Variants in MYO5A observed in about 807,000 individuals in gnomAD.
MYO5A encodes unconventional myosin-Va.
MYO5A carries 98 observed loss-of-function variants against 249.7 expected under a neutral mutation model. The observed-to-expected ratio is 0.39, with a 90% confidence interval of 0.33 to 0.46. The LOEUF is 0.46. Among genes scored for constraint, MYO5A ranks in the 20% least tolerant of loss-of-function variants. The pLI is 0.98. For missense variants in MYO5A, 1,696 were observed against 2,308.8 expected (o/e 0.73, Z 5.44); for synonymous variants, 778 against 810.6 (o/e 0.96, Z 0.68).
At chr15:52,329,109 T>C (rs1466705637) in intron 35 of MYO5A, 1 of 152,216 alleles carries the variant, frequency 6.6e-6, no homozygotes, top group Non-Finnish European at 1.5e-5. Flanking sequence ...ACTTTGCTCA[T>C]TACCTAGAAA....
rs752190723 is a variant in MYO5A, at chr15:52,319,369, G to A, written c.4952-27C>T. On this transcript the variant is annotated intron_variant, in intron 38 of 41. Transcript: ENST00000399233. ...TGCAGGAGTATTTCAATTGTTAGAGGAGATGATGTGGAAGGGAACCTTTCA... is the reference window on the plus strand; with the variant it reads ...TGCAGGAGTATTTCAATTGTTAGAGAAGATGATGTGGAAGGGAACCTTTCA... The A allele has an allele frequency of 5.0e-6, 8 of 1,609,934 alleles. No individual in the cohort carries two copies. In the Admixed American group the frequency reaches 1.0e-4, roughly 20 times the overall value.
chr15:52,501,882 C>CACACACACACACACAG (rs1595803284), intron 1 of MYO5A, among the ~76,000 whole-genome samples: 2 of 130,962 alleles, frequency 1.5e-5, no homozygotes, highest in East Asian at 4.1e-4. Context: ...ATACTACACA[C>CACACACACACACACAG]ACACACACAC....
intron 24 of MYO5A, among the ~76,000 whole-genome samples, chr15:52,360,581 T>G (rs1253517507): frequency 2.0e-5 from 3 of 152,214 alleles, no homozygotes; most frequent in Non-Finnish European, 4.4e-5. Flanking sequence ...TTCTGTCACT[T>G]TAATACGTGA....
intron 1 of MYO5A, among the ~76,000 whole-genome samples, chr15:52,501,894 C>CACAG (rs1275813135): frequency 4.0e-5 from 6 of 151,894 alleles, no homozygotes; most frequent in East Asian, 3.9e-4. Context: ...CACACACACA[C>CACAG]ACACACACAC....
intron 1 of MYO5A, among the ~76,000 whole-genome samples, chr15:52,472,841 C>T (rs908484126): frequency 6.6e-6 from 1 of 152,148 alleles, no homozygotes; most frequent in African/African-American, 2.4e-5. Flanking sequence ...TGAATAGTAC[C>T]TCAATAAACA....
chr15:52,456,756 T>C (rs2076127144), intron 1 of MYO5A, among the ~76,000 whole-genome samples: 1 of 152,172 alleles, frequency 6.6e-6, no homozygotes, highest in Non-Finnish European at 1.5e-5. Flanking sequence ...CTGGGAAAAC[T>C]GGATAACCAT....
intron 34 of MYO5A, 133 bp from the exon 35 acceptor site, chr15:52,330,632 C>G: frequency 9.6e-7 from 1 of 1,042,202 alleles, no homozygotes; most frequent in South Asian, 1.5e-5. Context: ...ATTGCCTTCT[C>G]TTAAAATAAT....
intron 1 of MYO5A, among the ~76,000 whole-genome samples, chr15:52,456,158 T>C (rs1330264604): frequency 6.6e-6 from 1 of 152,142 alleles, no homozygotes; most frequent in African/African-American, 2.4e-5. Flanking sequence ...AACATTTATA[T>C]ATGCCAACAG....
chr15:52,353,755 C>T (rs1055394701), intron 26 of MYO5A, 97 bp from the exon 27 acceptor site: 1 of 1,593,284 alleles, frequency 6.3e-7, no homozygotes, highest in Non-Finnish European at 8.6e-7. Context: ...GTTTAGCCCT[C>T]ACTACTTTAA....
intron 20 of MYO5A, among the ~76,000 whole-genome samples, chr15:52,374,651 A>C (rs2041307483): frequency 6.6e-6 from 1 of 152,248 alleles, no homozygotes; most frequent in Admixed American, 6.5e-5. Flanking sequence ...GACTGGACTG[A>C]TGTGGCTACA....
chr15:52,422,446 T>C (rs548518021), intron 4 of MYO5A, among the ~76,000 whole-genome samples: 3 of 152,312 alleles, frequency 2.0e-5, no homozygotes, highest in Admixed American at 1.3e-4. Context: ...TGCCATCTTC[T>C]ACATCTCAAT....
intron 16 of MYO5A, 43 bp from the exon 17 acceptor site, chr15:52,379,951 C>T (rs2041644941): frequency 6.3e-7 from 1 of 1,598,828 alleles, no homozygotes. Flanking sequence ...AAGAACCTGG[C>T]TGGTGGCCAC....
At position 52,475,837 on chromosome 15, in the gene MYO5A, T is replaced by A. The variant is rs551675852; in HGVS notation, c.28-42552A>T. 1.6e-4 allele frequency among the ~76,000 whole-genome samples: 24 copies of A among 152,336 alleles called. No homozygotes were observed. The South Asian group carries it at 4.6e-3, about 29-fold the overall frequency. Reference sequence around the variant, plus strand: ...GTGGTCAATTTTGGAATAAGTGCAATGTGGTGCTGAGAAGAATGTATATTC... The same window carrying A: ...GTGGTCAATTTTGGAATAAGTGCAAAGTGGTGCTGAGAAGAATGTATATTC... On this transcript the variant is annotated intron_variant, in intron 1 of 41. Transcript: ENST00000399233.
At chr15:52,513,786 A>T (rs1179288091) in intron 1 of MYO5A, among the ~76,000 whole-genome samples, 1 of 152,182 alleles carries the variant, frequency 6.6e-6, no homozygotes, top group African/African-American at 2.4e-5. Context: ...GTGATTGGGT[A>T]CCACTCAGGG....
At chr15:52,384,524 G>A (rs2041895210) in intron 14 of MYO5A, among the ~76,000 whole-genome samples, 1 of 152,244 alleles carries the variant, frequency 6.6e-6, no homozygotes, top group East Asian at 1.9e-4. Flanking sequence ...ACGGAAAAAT[G>A]CAATAATTCT....
intron 4 of MYO5A, among the ~76,000 whole-genome samples, chr15:52,418,391 T>C (rs768559674): frequency 5.3e-5 from 8 of 152,152 alleles, no homozygotes; most frequent in Non-Finnish European, 8.8e-5. Flanking sequence ...AATCACTTTA[T>C]GGAAATAAAA....
At chr15:52,352,533 G>A (rs1205037395) in intron 27 of MYO5A, among the ~76,000 whole-genome samples, 1 of 152,172 alleles carries the variant, frequency 6.6e-6, no homozygotes, top group African/African-American at 2.4e-5. Context: ...TGTAATCCCA[G>A]CACTTTGGGA....
rs932865399 is a variant in MYO5A at position 52,348,963 on chromosome 15, A to C, written c.3850-137T>G. 1.4e-5 allele frequency: 12 copies of C among 870,028 alleles called. No individual in the cohort carries two copies. In the African/African-American group the frequency reaches 1.9e-4, roughly 14 times the overall value. The allele number at this position is 870,028 out of a possible 1,614,324, so 53.9% of individuals were successfully genotyped here. On this transcript the variant is annotated intron_variant, in intron 28 of 41. Coordinates refer to ENST00000399233, the MANE Select transcript of MYO5A (RefSeq NM_001382347.1). ...AAACAGCCATGAGTTGTTTCTCTAA[A>C]ATTAACTCTATATATACATTAACAT...
chr15:52,500,991 A>T (rs895867660), intron 1 of MYO5A, among the ~76,000 whole-genome samples: 2 of 151,390 alleles, frequency 1.3e-5, no homozygotes, highest in African/African-American at 4.8e-5. Flanking sequence ...TTTTTTTGAG[A>T]CGGAGTCTTG....
Sources: allele counts gnomAD v4.1 joint callset (sites outside exome capture counted in the v4.1 genomes callset), GRCh38; gene constraint gnomAD v4.1.1; transcripts MANE v1.5; gene names NCBI Gene and HGNC (gene_info 2026-07-23, HGNC 2026-07-21).